Variants in RASEF observed in about 807,000 individuals in gnomAD.
RASEF encodes RAS and EF-hand domain containing, also known as ras and EF-hand domain-containing protein.
RASEF carries 68 observed loss-of-function variants against 90.1 expected under a neutral mutation model. The observed-to-expected ratio is 0.75, with a 90% CI of 0.62 to 0.92. The LOEUF (loss-of-function observed/expected upper bound fraction) is 0.92. Ranked by LOEUF, RASEF falls within the 40% of genes least tolerant of loss-of-function variation. RASEF has a pLI of 0.00. For missense variants in RASEF, 949 were observed against 937.2 expected, an observed-to-expected ratio of 1.01 and a Z score of -0.16; for synonymous variants, 331 against 345.2, an observed-to-expected ratio of 0.96 and a Z score of 0.46.
chr9:83,169,104 G>C, the RASEF span, among the ~76,000 whole-genome samples: 1 of 151,532 alleles, frequency 6.6e-6, no homozygotes, highest in Non-Finnish European at 1.5e-5. Flanking sequence ...GCTCCTATGT[G>C]AGTGAGAACA....
intron 14 of RASEF, among the ~76,000 whole-genome samples, chr9:82,993,811 A>C (rs1363705814): frequency 6.6e-6 from 1 of 152,086 alleles, no homozygotes; most frequent in Non-Finnish European, 1.5e-5. Flanking sequence ...CCAGCCCTCC[A>C]CCAGCTGGAC....
intron 1 of RASEF, among the ~76,000 whole-genome samples, chr9:83,026,711 T>A (rs576228187): frequency 6.6e-6 from 1 of 152,256 alleles, no homozygotes; most frequent in Admixed American, 6.5e-5. Context: ...TATGTTACGG[T>A]CAGCTAAAAG....
chr9:83,102,315 T>C, the RASEF span, among the ~76,000 whole-genome samples: 4 of 152,114 alleles, frequency 2.6e-5, no homozygotes, highest in Non-Finnish European at 5.9e-5. Context: ...TGACCTCAGG[T>C]GATCCACCCA....
At chr9:83,148,508 C>T in the RASEF span, among the ~76,000 whole-genome samples, 1 of 152,154 alleles carries the variant, frequency 6.6e-6, no homozygotes, top group Admixed American at 6.5e-5. Context: ...TAACAAACCA[C>T]AGGATGGGAG....
chr9:83,084,047 G>T, the RASEF span, among the ~76,000 whole-genome samples: 1 of 151,968 alleles, frequency 6.6e-6, no homozygotes, highest in African/African-American at 2.4e-5. Flanking sequence ...TATTACGCAA[G>T]CATCAATATA....
the RASEF span, among the ~76,000 whole-genome samples, chr9:83,148,898 T>C: frequency 7.9e-5 from 12 of 152,150 alleles, no homozygotes; most frequent in African/African-American, 2.9e-4. Flanking sequence ...TTCTATAAAG[T>C]GGTAATGCTG....
the RASEF span, among the ~76,000 whole-genome samples, chr9:83,161,781 G>A: frequency 1.3e-5 from 2 of 151,900 alleles, no homozygotes; most frequent in African/African-American, 4.8e-5. Flanking sequence ...CCAGTGGGAG[G>A]TGATTGAATT....
chr9:83,118,336 C>A, the RASEF span, among the ~76,000 whole-genome samples: 1 of 151,840 alleles, frequency 6.6e-6, no homozygotes, highest in Non-Finnish European at 1.5e-5. Context: ...CCAAAACTTG[C>A]AGTTCATTAG....
chr9:83,049,480 C>G (rs567219650), intron 1 of RASEF, among the ~76,000 whole-genome samples: 1 of 147,952 alleles, frequency 6.8e-6, no homozygotes, highest in African/African-American at 2.5e-5. Context: ...CAGTCACCTT[C>G]AGATTATGTG....
intron 12 of RASEF, 25 bp from the exon 13 acceptor site, chr9:82,998,471 A>G (rs377156427): frequency 1.4e-6 from 2 of 1,420,450 alleles, no homozygotes; most frequent in African/African-American, 2.8e-5. Flanking sequence ...GAGAGTGGAG[A>G]GCACGATGTA....
At chr9:83,134,912 A>G in the RASEF span, among the ~76,000 whole-genome samples, 1 of 152,190 alleles carries the variant, frequency 6.6e-6, no homozygotes, top group Non-Finnish European at 1.5e-5. Flanking sequence ...AGCCATAAAA[A>G]GGAATGAAGT....
At chr9:83,062,330 G>A (rs1408377885) in intron 1 of RASEF, 107 bp downstream of exon 1, 4 of 972,706 alleles carry the variant, frequency 4.1e-6, no homozygotes. Context: ...GCAACTCACA[G>A]AGAAGACTAG....
intron 1 of RASEF, among the ~76,000 whole-genome samples, chr9:83,045,104 T>C (rs1180942223): frequency 2.0e-5 from 3 of 152,210 alleles, no homozygotes; most frequent in Admixed American, 6.5e-5. Context: ...TCTCTCTTTC[T>C]AAATAATATG....
At chr9:83,117,711 A>ATTT in the RASEF span, among the ~76,000 whole-genome samples, 5 of 152,172 alleles carry the variant, frequency 3.3e-5, no homozygotes, top group Non-Finnish European at 2.9e-5. Flanking sequence ...GGGTGAATAC[A>ATTT]TTTTTCCCCA....
the RASEF span, among the ~76,000 whole-genome samples, chr9:83,115,129 G>C: frequency 1.3e-5 from 2 of 152,086 alleles, no homozygotes; most frequent in African/African-American, 2.4e-5. Context: ...AAATAGAAAA[G>C]AGCCTACGTG....
the RASEF span, among the ~76,000 whole-genome samples, chr9:83,103,361 GT>G: frequency 6.6e-6 from 1 of 152,176 alleles, no homozygotes; most frequent in Non-Finnish European, 1.5e-5. Flanking sequence ...AGGAGTAGGT[GT>G]TAGTATTTAT....
At chr9:83,027,451 A>T (rs1829568694) in intron 1 of RASEF, among the ~76,000 whole-genome samples, 1 of 152,168 alleles carries the variant, frequency 6.6e-6, no homozygotes, top group Non-Finnish European at 1.5e-5. Flanking sequence ...TCTCACTACC[A>T]TACAAAAGAC....
At chr9:83,016,450 T>C (rs1183546465) in intron 3 of RASEF, among the ~76,000 whole-genome samples, 4 of 142,972 alleles carry the variant, frequency 2.8e-5, no homozygotes, top group African/African-American at 7.8e-5. Flanking sequence ...GGTCAGGGGA[T>C]TGCCATTCAG....
chr9:83,171,708 T>C, the RASEF span, among the ~76,000 whole-genome samples: 9 of 151,914 alleles, frequency 5.9e-5, no homozygotes, highest in African/African-American at 2.2e-4. Context: ...TGAAATGTAT[T>C]GGCATATAGT....
Sources: allele counts gnomAD v4.1 joint callset (sites outside exome capture counted in the v4.1 genomes callset), GRCh38; gene constraint gnomAD v4.1.1; transcripts MANE v1.5; gene names NCBI Gene and HGNC (gene_info 2026-07-23, HGNC 2026-07-21).